Variants in CAMSAP1 observed in about 807,000 individuals in gnomAD.
CAMSAP1 encodes the protein calmodulin-regulated spectrin-associated protein 1.
In CAMSAP1, 58 loss-of-function variants were observed where a neutral mutation model predicts 143.5. The ratio of observed to expected loss-of-function variants is 0.40; its 90% CI spans 0.33 to 0.50. The LOEUF is 0.50. Ranked by LOEUF, CAMSAP1 falls within the 20% of genes least tolerant of loss-of-function variation. The pLI is 0.45. For missense variants in CAMSAP1, 1,969 were observed against 2,115.7 expected (o/e 0.93, Z 1.36); for synonymous variants, 945 against 859.3 (o/e 1.10, Z -1.74).
chr9:135,877,918 C>A (rs558381602), intron 3 of CAMSAP1, among the ~76,000 whole-genome samples: 2 of 152,142 alleles, frequency 1.3e-5, no homozygotes, highest in Non-Finnish European at 2.9e-5. Context: ...TCAGAGCACC[C>A]GGGAAGGAGG....
intron 1 of CAMSAP1, among the ~76,000 whole-genome samples, chr9:135,886,396 G>A (rs1328594595): frequency 6.6e-6 from 1 of 152,186 alleles, no homozygotes; most frequent in Non-Finnish European, 1.5e-5. Context: ...AGTGGGATGT[G>A]CAGGTGGAGA....
At chr9:135,837,996 C>T (rs1836156927) in intron 7 of CAMSAP1, among the ~76,000 whole-genome samples, 1 of 150,150 alleles carries the variant, frequency 6.7e-6, no homozygotes, top group African/African-American at 2.5e-5. Flanking sequence ...CGCTTTCTAC[C>T]CCTTCTACAG....
intron 5 of CAMSAP1, among the ~76,000 whole-genome samples, chr9:135,861,606 T>C (rs927906387): frequency 3.9e-5 from 6 of 152,194 alleles, no homozygotes; most frequent in Non-Finnish European, 5.9e-5. Context: ...ATCCAGCCTG[T>C]TCCTTTAAGT....
intron 7 of CAMSAP1, among the ~76,000 whole-genome samples, chr9:135,841,194 T>G: frequency 6.6e-6 from 1 of 151,914 alleles, no homozygotes; most frequent in East Asian, 1.9e-4. Context: ...GAGGCTTGAG[T>G]AGGTGGGTTT....
chr9:135,855,761 A>AG (rs1836936538), intron 5 of CAMSAP1, among the ~76,000 whole-genome samples: 1 of 149,612 alleles, frequency 6.7e-6, no homozygotes, highest in East Asian at 2.0e-4. Flanking sequence ...AAAAAAAAAA[A>AG]AAAAAAAAAG....
intron 3 of CAMSAP1, among the ~76,000 whole-genome samples, chr9:135,877,508 A>G (rs867309057): frequency 6.6e-6 from 1 of 151,894 alleles, no homozygotes; most frequent in Non-Finnish European, 1.5e-5. Context: ...AAAAAAAAAA[A>G]AAAAAGAAAA....
chr9:135,812,336 A>G (rs6537914), intron 16 of CAMSAP1, among the ~76,000 whole-genome samples: 145,534 of 152,220 alleles, frequency 0.96, 69,601 homozygotes, highest in East Asian at 1. Flanking sequence ...ACCCAGCTAC[A>G]AAAAGGAATG....
chr9:135,903,527 C>A (rs1245143928), intron 1 of CAMSAP1, among the ~76,000 whole-genome samples: 2 of 152,226 alleles, frequency 1.3e-5, no homozygotes, highest in Non-Finnish European at 2.9e-5. Context: ...TGAGCCCACC[C>A]ACTTACTACA....
chr9:135,888,376 G>A (rs553565079), intron 1 of CAMSAP1, among the ~76,000 whole-genome samples: 10 of 152,252 alleles, frequency 6.6e-5, no homozygotes, highest in African/African-American at 2.4e-4. Context: ...CACACCAACC[G>A]CCAGCTCTTC....
intron 7 of CAMSAP1, among the ~76,000 whole-genome samples, chr9:135,839,858 G>A (rs1390763304): frequency 6.6e-6 from 1 of 151,914 alleles, no homozygotes; most frequent in Non-Finnish European, 1.5e-5. Flanking sequence ...AGATGGAAAA[G>A]GGGAAAGCCT....
intron 1 of CAMSAP1, among the ~76,000 whole-genome samples, chr9:135,905,546 C>T (rs978427540): frequency 2.0e-5 from 3 of 152,196 alleles, no homozygotes; most frequent in Non-Finnish European, 4.4e-5. Flanking sequence ...CGCCCACGAG[C>T]AGCTGCGGTG....
intron 7 of CAMSAP1, among the ~76,000 whole-genome samples, chr9:135,832,434 T>C (rs1185562465): frequency 6.6e-6 from 1 of 152,174 alleles, no homozygotes; most frequent in East Asian, 1.9e-4. Flanking sequence ...ATAAAAACCA[T>C]TTATGAAAAG....
At chr9:135,854,239 AC>A (rs148651818) in intron 5 of CAMSAP1, among the ~76,000 whole-genome samples, 2,056 of 152,222 alleles carry the variant, frequency 0.014, 49 homozygotes, top group African/African-American at 0.047. Flanking sequence ...ACTGCCCACC[AC>A]TTTTGGCTTC....
intron 1 of CAMSAP1, among the ~76,000 whole-genome samples, chr9:135,900,121 G>A (rs1473298009): frequency 6.6e-6 from 1 of 152,144 alleles, no homozygotes; most frequent in Non-Finnish European, 1.5e-5. Flanking sequence ...AATCTCCTGG[G>A]CTCAACTGAT....
intron 16 of CAMSAP1, 34 bp downstream of exon 16, chr9:135,815,063 C>T (rs780489866): frequency 2.1e-6 from 3 of 1,423,154 alleles, no homozygotes; most frequent in African/African-American, 1.4e-5. Flanking sequence ...CTTTTTATTC[C>T]ACATAAAAAC....
Position 135,818,229 on chromosome 9 carries a change from G to T in CAMSAP1, c.4169-150C>A, listed in dbSNP as rs1268947756. On this transcript the variant is annotated intron_variant, in intron 13 of 16. Coordinates refer to ENST00000389532, the MANE Select transcript of CAMSAP1 (RefSeq NM_015447.4). This position sits in a 1 kb window ranked among gnomAD's most constrained non-coding sequence, Gnocchi z 7.7. Reference sequence around the variant, plus strand: ...ATCCCGGGGAGCCGGGCTGCGCCTGGATGTGCCGCACATCTCAGAGCATCT... The same window carrying T: ...ATCCCGGGGAGCCGGGCTGCGCCTGTATGTGCCGCACATCTCAGAGCATCT... 2.0e-5 allele frequency: 22 copies of T among 1,113,400 alleles called. No individual in the cohort carries two copies. Among genetic ancestry groups the T allele is most frequent in the Non-Finnish European group, 2.7e-5 (21 of 787,010 alleles). 69.0% of individuals were successfully genotyped at this position (1,113,400 alleles called of 1,614,324 possible).
intron 1 of CAMSAP1, among the ~76,000 whole-genome samples, chr9:135,893,379 A>G (rs1185938810): frequency 1.3e-5 from 2 of 152,056 alleles, no homozygotes; most frequent in Non-Finnish European, 2.9e-5. Flanking sequence ...AAGAAAGAAA[A>G]GAGAAGGAAA....
chr9:135,874,213 G>C (rs924709902), intron 3 of CAMSAP1, among the ~76,000 whole-genome samples: 1 of 152,060 alleles, frequency 6.6e-6, no homozygotes, highest in Non-Finnish European at 1.5e-5. Flanking sequence ...AAATAGAAGG[G>C]AACTCCTGGC....
chr9:135,862,390 T>C (rs1837231062), intron 5 of CAMSAP1, 77 bp downstream of exon 5: 17 of 1,373,850 alleles, frequency 1.2e-5, no homozygotes, highest in Non-Finnish European at 1.6e-5. Context: ...TTTTTTAATA[T>C]ATATGTGGAT....
Sources: gnomAD v4.1 joint callset for allele counts (sites outside exome capture counted in the v4.1 genomes callset) on GRCh38, gnomAD v4.1.1 for gene constraint, Gnocchi (gnomAD v3.1) non-coding constraint, MANE v1.5 for transcripts, NCBI Gene and HGNC (gene_info 2026-07-23, HGNC 2026-07-21) for gene names.